Variants in OGFRL1 observed in about 807,000 individuals in gnomAD.
The protein encoded by OGFRL1 is opioid growth factor receptor-like protein 1.
In OGFRL1, 26 loss-of-function variants were observed where a neutral mutation model predicts 32.4. The ratio of observed to expected loss-of-function variants is 0.80; its 90% CI spans 0.59 to 1.11. The LOEUF (loss-of-function observed/expected upper bound fraction) is 1.11, where lower values mean the gene tolerates loss of function less well. Ranked by LOEUF, OGFRL1 falls within the 50% of genes most tolerant of loss-of-function variation. The pLI, the probability that OGFRL1 is intolerant of heterozygous loss-of-function variation, is 0.00. For synonymous variants in OGFRL1, 211 were observed against 201.2 expected (o/e 1.05, Z -0.41); for missense variants, 521 against 546.4 (o/e 0.95, Z 0.46).
At chr6:71,293,000 T>C (rs1161282470) in intron 1 of OGFRL1, among the ~76,000 whole-genome samples, 5 of 152,206 alleles carry the variant, frequency 3.3e-5, no homozygotes, top group African/African-American at 1.2e-4. Flanking sequence ...AGTTCCATTT[T>C]TGATGGATAT....
rs932031530 is a variant in OGFRL1, at chr6:71,308,252, T to G, written c.*6203T>G. On this transcript the variant is annotated 3_prime_UTR_variant, in exon 7 of 7. Coordinates refer to ENST00000370435, the MANE Select transcript of OGFRL1 (RefSeq NM_024576.5). ...TGTGAGTGAAGTAACTTCCACACTG[T>G]CAAGAGTTGACAGCATATTAATTGT... is the stretch of plus-strand genomic sequence containing the variant. 4.6e-5 allele frequency: 7 copies of G among 152,342 alleles called. No homozygotes were observed. In the East Asian group the frequency reaches 1.3e-3, roughly 29 times the overall value. The allele number at this position is 152,342 out of a possible 1,614,324, so 9.4% of individuals were successfully genotyped here. A position where few individuals can be genotyped will look rare whatever the true frequency, so the allele number is the denominator to read the frequency against.
chr6:71,293,283 T>C lies in OGFRL1; in HGVS notation c.235-10T>C, dbSNP rs1766102170. 2.5e-6 allele frequency: 4 copies of C among 1,610,610 alleles called. No individual in the cohort carries two copies. Among genetic ancestry groups the C allele is most frequent in the Non-Finnish European group, 3.4e-6 (4 of 1,177,756 alleles). On this transcript the variant is annotated splice_polypyrimidine_tract_variant and intron_variant, in intron 1 of 6. Coordinates refer to ENST00000370435, the MANE Select transcript of OGFRL1 (RefSeq NM_024576.5). Reference sequence around the variant, plus strand: ...TCAACATGTAAACGGAGTTTCACCTTTTATTTCAGGGTGGTGATTCCACTG... The same window carrying C: ...TCAACATGTAAACGGAGTTTCACCTCTTATTTCAGGGTGGTGATTCCACTG...
At chr6:71,292,560 T>G (rs1039746665) in intron 1 of OGFRL1, among the ~76,000 whole-genome samples, 6 of 152,228 alleles carry the variant, frequency 3.9e-5, no homozygotes, top group Non-Finnish European at 7.3e-5. Context: ...TAAAAATCAG[T>G]TCATGGTGAT....
At position 71,303,907 on chromosome 6, in the gene OGFRL1, G is replaced by A. The variant is rs2149358287; in HGVS notation, c.*1858G>A. The A allele has an allele frequency of 6.6e-6, 1 of 152,226 alleles. No individual in the cohort carries two copies. The highest frequency in any genetic ancestry group is 2.4e-5 in the African/African-American group (1 of 41,564). 9.4% of individuals were successfully genotyped at this position (152,226 alleles called of 1,614,324 possible). On this transcript the variant is annotated 3_prime_UTR_variant, in exon 7 of 7. Coordinates refer to ENST00000370435, the MANE Select transcript of OGFRL1 (RefSeq NM_024576.5). The stretch of plus-strand genomic sequence containing the variant: ...TTAAAGCAATGAATAGATGAAACAT[G>A]TCTACTTTATTTCATTTAGAAAGGA...
chr6:71,296,872 C>T, intron 6 of OGFRL1, 55 bp downstream of exon 6: 1 of 1,558,356 alleles, frequency 6.4e-7, no homozygotes, highest in Non-Finnish European at 8.6e-7. Context: ...TTCCCTTGGT[C>T]AGAGTTCTCT....
chr6:71,294,615 G>A (rs58934568), intron 3 of OGFRL1, among the ~76,000 whole-genome samples: 4,943 of 152,234 alleles, frequency 0.032, 270 homozygotes, highest in African/African-American at 0.11. Context: ...CATCGTTGAC[G>A]TGGCCAGATC....
In OGFRL1 at chr6:71,304,001, G is replaced by A. The variant is rs1766473130; in HGVS notation, c.*1952G>A. On this transcript the variant is annotated 3_prime_UTR_variant, in exon 7 of 7. Transcript: ENST00000370435. ...TAATCCCCTAGGGAATTTGTAATAT[G>A]TCCTACTTCATATCATCTTCTGTTG... 6.6e-6 allele frequency: 1 copy of A among 152,080 alleles called. No homozygotes were observed. Among genetic ancestry groups the A allele is most frequent in the African/African-American group, 2.4e-5 (1 of 41,424 alleles). 9.4% of individuals were successfully genotyped at this position (152,080 alleles called of 1,614,324 possible).
rs984579228 is a variant in OGFRL1, at chr6:71,303,712, T to G, written c.*1663T>G. ...TTGTACATCTCTAAGTTATCAAACT[T>G]CAAAATTGAGAACAAATTTAAAAGT... On this transcript the variant is annotated 3_prime_UTR_variant, in exon 7 of 7. Coordinates refer to ENST00000370435, the MANE Select transcript of OGFRL1 (RefSeq NM_024576.5). 6.6e-6 allele frequency: 1 copy of G among 152,184 alleles called. No homozygotes were observed. Among genetic ancestry groups the G allele is most frequent in the Non-Finnish European group, 1.5e-5 (1 of 68,020 alleles). 9.4% of individuals were successfully genotyped at this position (152,184 alleles called of 1,614,324 possible).
chr6:71,299,621 T>C (rs549654239), intron 6 of OGFRL1, among the ~76,000 whole-genome samples: 1 of 152,292 alleles, frequency 6.6e-6, no homozygotes, highest in East Asian at 1.9e-4. Flanking sequence ...CTTCCACCTT[T>C]TTATACATCT....
In OGFRL1 at chr6:71,307,814, T is replaced by C. The variant is rs1192157040; in HGVS notation, c.*5765T>C. On this transcript the variant is annotated 3_prime_UTR_variant, in exon 7 of 7. Coordinates refer to ENST00000370435, the MANE Select transcript of OGFRL1 (RefSeq NM_024576.5). ...CCCAGTGCTAACAGATTTTGTTTCA[T>C]GTGAAGAAAAATAAAATACAAATGA... The C allele has an allele frequency of 3.3e-5, 5 of 152,120 alleles. No individual in the cohort carries two copies. The highest frequency in any genetic ancestry group is 7.3e-5 in the Non-Finnish European group (5 of 68,030). 9.4% of individuals were successfully genotyped at this position (152,120 alleles called of 1,614,324 possible). A position where few individuals can be genotyped will look rare whatever the true frequency, so the allele number is the denominator to read the frequency against.
intron 3 of OGFRL1, chr6:71,295,139 A>G (rs1364909752): frequency 2.0e-5 from 3 of 152,162 alleles, no homozygotes; most frequent in African/African-American, 7.2e-5. Flanking sequence ...ACACACACGC[A>G]CACACGCACA....
intron 2 of OGFRL1, 61 bp from the exon 3 acceptor site, chr6:71,293,472 G>C: frequency 1.3e-6 from 2 of 1,559,520 alleles, no homozygotes; most frequent in Non-Finnish European, 1.8e-6. Context: ...TGCATGAAGG[G>C]TCCTTGTATC....
At position 71,288,861 on chromosome 6, in the gene OGFRL1, A is replaced by T; in HGVS notation, c.-76A>T. 1 of 1,053,118 alleles carries T rather than the reference A, an allele frequency of 9.5e-7. No individual in the cohort carries two copies. Among genetic ancestry groups the T allele is most frequent in the Non-Finnish European group, 1.1e-6 (1 of 869,726 alleles). 65.2% of individuals were successfully genotyped at this position (1,053,118 alleles called of 1,614,324 possible). A position where few individuals can be genotyped will look rare whatever the true frequency, so the allele number is the denominator to read the frequency against. On this transcript the variant is annotated 5_prime_UTR_variant, in exon 1 of 7. An upstream start codon of the reference 5' UTR is lost. Transcript: ENST00000370435. Reference sequence around the variant, plus strand: ...GCCGCCCAGCGCCCTCGCCGCGGCCATGCCCGGGCCCTAGAGCGCCTGCCG... The same window carrying T: ...GCCGCCCAGCGCCCTCGCCGCGGCCTTGCCCGGGCCCTAGAGCGCCTGCCG...
In OGFRL1 at chr6:71,303,554, C is replaced by T. The variant is rs1766462553; in HGVS notation, c.*1505C>T. 2 of 152,100 alleles carry T rather than the reference C, an allele frequency of 1.3e-5. No homozygotes were observed. Among genetic ancestry groups the T allele is most frequent in the African/African-American group, 4.8e-5 (2 of 41,436 alleles). 9.4% of individuals were successfully genotyped at this position (152,100 alleles called of 1,614,324 possible). ...CTGAAGAATTAAAAAATAAGAAATT[C>T]CTTTTTAAAAGGCATGCCTCTTGCA... On this transcript the variant is annotated 3_prime_UTR_variant, in exon 7 of 7. Coordinates refer to ENST00000370435, the MANE Select transcript of OGFRL1 (RefSeq NM_024576.5).
chr6:71,296,314 T>C lies in OGFRL1; in HGVS notation c.401-3T>C. On this transcript the variant is annotated splice_region_variant and splice_polypyrimidine_tract_variant and intron_variant, in intron 3 of 6. Coordinates refer to ENST00000370435, the MANE Select transcript of OGFRL1 (RefSeq NM_024576.5). Reference sequence around the variant, plus strand: ...GGTTCATTTTTAAATATTTACTATTTAGGTGTTTACATTGAAGAAGTTCTA... The same window carrying C: ...GGTTCATTTTTAAATATTTACTATTCAGGTGTTTACATTGAAGAAGTTCTA... The C allele has an allele frequency of 6.4e-7, 1 of 1,566,996 alleles. No homozygotes were observed. The highest frequency in any genetic ancestry group is 1.1e-5 in the South Asian group (1 of 88,988).
intron 1 of OGFRL1, among the ~76,000 whole-genome samples, chr6:71,292,761 A>G (rs1013601851): frequency 6.6e-6 from 1 of 152,200 alleles, no homozygotes; most frequent in Admixed American, 6.5e-5. Flanking sequence ...ATGGTATTAT[A>G]AAGGATGGAG....
Position 71,302,111 on chromosome 6 carries a change from C to T in OGFRL1, c.*62C>T, listed in dbSNP as rs1041301177. 7.3e-7 allele frequency: 1 copy of T among 1,367,344 alleles called. No individual in the cohort carries two copies. The highest frequency in any genetic ancestry group is 1.5e-5 in the African/African-American group (1 of 68,120). The allele number at this position is 1,367,344 out of a possible 1,614,324, so 84.7% of individuals were successfully genotyped here. A position where few individuals can be genotyped will look rare whatever the true frequency, so the allele number is the denominator to read the frequency against. ...AGGAAAAAACTACTGTATCATTTAT[C>T]CTAAAGAACAGAGATGAGGTCAATT... is the stretch of plus-strand genomic sequence containing the variant. On this transcript the variant is annotated 3_prime_UTR_variant, in exon 7 of 7. Coordinates refer to ENST00000370435, the MANE Select transcript of OGFRL1 (RefSeq NM_024576.5).
At chr6:71,289,418 C>T (rs1765970606) in intron 1 of OGFRL1, 1 of 985,144 alleles carries the variant, frequency 1.0e-6, no homozygotes, top group Non-Finnish European at 1.2e-6. Flanking sequence ...GGAAGTCCCT[C>T]AAGGCAGAAC....
chr6:71,289,753 A>G (rs888384761), intron 1 of OGFRL1: 20 of 985,206 alleles, frequency 2.0e-5, no homozygotes, highest in African/African-American at 3.5e-5. Flanking sequence ...TTATTTCACC[A>G]GAAGACTTGT....
Sources: allele counts gnomAD v4.1 joint callset (sites outside exome capture counted in the v4.1 genomes callset), GRCh38; gene constraint gnomAD v4.1.1; transcripts MANE v1.5; gene names NCBI Gene and HGNC (gene_info 2026-07-23, HGNC 2026-07-21).